QKI: variants seen among roughly 807,000 people sequenced by gnomAD.
QKI encodes KH domain-containing RNA-binding protein QKI.
QKI carries 10 observed loss-of-function variants against 39.0 expected under a neutral mutation model. That is an observed-to-expected ratio of 0.26 (90% CI 0.16 to 0.43). The LOEUF (loss-of-function observed/expected upper bound fraction) is 0.43, where lower values mean the gene tolerates loss of function less well. Ranked by LOEUF, QKI falls within the 20% of genes least tolerant of loss-of-function variation. QKI has a pLI of 1.00. For synonymous variants in QKI, 204 were observed against 155.4 expected (o/e 1.31, Z -2.33); for missense variants, 218 against 428.0 (o/e 0.51, Z 4.33).
intron 3 of QKI, among the ~76,000 whole-genome samples, chr6:163,492,724 GAAT>G (rs915338467): frequency 2.0e-5 from 3 of 152,088 alleles, no homozygotes; most frequent in African/African-American, 7.2e-5. Flanking sequence ...ATTAATGTTT[GAAT>G]AATAATTTGT....
intron 1 of QKI, among the ~76,000 whole-genome samples, chr6:163,419,909 C>T (rs1447779885): frequency 6.6e-6 from 1 of 152,168 alleles, no homozygotes; most frequent in Non-Finnish European, 1.5e-5. Flanking sequence ...ATGCTTTATG[C>T]ACATTATATT....
At chr6:163,430,188 T>G (rs1039614579) in intron 1 of QKI, among the ~76,000 whole-genome samples, 9 of 152,190 alleles carry the variant, frequency 5.9e-5, no homozygotes, top group Non-Finnish European at 1.0e-4. Context: ...TCTTAGCTTT[T>G]TCCTTTATCT....
intron 2 of QKI, among the ~76,000 whole-genome samples, chr6:163,457,852 A>G (rs1442678359): frequency 1.3e-5 from 2 of 152,136 alleles, no homozygotes; most frequent in African/African-American, 4.8e-5. Context: ...AGTGTTATGG[A>G]GAAACATAAA....
intron 1 of QKI, among the ~76,000 whole-genome samples, chr6:163,451,189 A>G: frequency 6.6e-6 from 1 of 151,648 alleles, no homozygotes; most frequent in African/African-American, 2.4e-5. Context: ...TTGTCTTAAC[A>G]CCATTAGCAA....
intron 1 of QKI, among the ~76,000 whole-genome samples, chr6:163,444,280 G>A (rs2128215922): frequency 6.6e-6 from 1 of 152,310 alleles, no homozygotes; most frequent in East Asian, 1.9e-4. Flanking sequence ...TAAATGTGAT[G>A]TGGTCTAATG....
At chr6:163,467,840 T>G (rs1466021095) in intron 2 of QKI, among the ~76,000 whole-genome samples, 2 of 152,182 alleles carry the variant, frequency 1.3e-5, no homozygotes, top group Admixed American at 6.6e-5. Context: ...GGATATGTTT[T>G]CAGTATGCTT....
intron 4 of QKI, among the ~76,000 whole-genome samples, chr6:163,540,534 A>G (rs780946583): frequency 2.4e-4 from 36 of 152,188 alleles, no homozygotes; most frequent in African/African-American, 3.9e-4. Context: ...TTTTTTACCA[A>G]CAAGCGTGCA....
At chr6:163,514,207 G>A (rs1006143933) in intron 3 of QKI, among the ~76,000 whole-genome samples, 1 of 151,814 alleles carries the variant, frequency 6.6e-6, no homozygotes, top group Non-Finnish European at 1.5e-5. Context: ...GAGACACATC[G>A]GGTTTCAAAA....
intron 1 of QKI, among the ~76,000 whole-genome samples, chr6:163,429,757 A>C (rs1788686411): frequency 6.6e-6 from 1 of 152,186 alleles, no homozygotes; most frequent in African/African-American, 2.4e-5. Context: ...TTCATGTATT[A>C]GTTTTTAGTG....
intron 3 of QKI, among the ~76,000 whole-genome samples, chr6:163,498,987 A>G (rs1778579955): frequency 6.6e-6 from 1 of 152,168 alleles, no homozygotes; most frequent in African/African-American, 2.4e-5. Context: ...ACATAGCCTG[A>G]AGGTAGTTTC....
intron 3 of QKI, among the ~76,000 whole-genome samples, chr6:163,510,334 G>A (rs1779372435): frequency 6.6e-6 from 1 of 151,902 alleles, no homozygotes; most frequent in Non-Finnish European, 1.5e-5. Context: ...CGAGGCAGGT[G>A]GATCACTTGA....
chr6:163,495,402 T>C (rs145336435), intron 3 of QKI, among the ~76,000 whole-genome samples: 142 of 152,228 alleles, frequency 9.3e-4, no homozygotes, highest in African/African-American at 3.1e-3. Context: ...AGCATGCGCG[T>C]GTGTGTCTGT....
chr6:163,512,669 T>C (rs1267966635), intron 3 of QKI, among the ~76,000 whole-genome samples: 1 of 152,062 alleles, frequency 6.6e-6, no homozygotes, highest in Non-Finnish European at 1.5e-5. Context: ...AAAAAGAACA[T>C]TGCATCCAAC....
chr6:163,492,829 T>TA (rs1016588301), intron 3 of QKI, among the ~76,000 whole-genome samples: 2 of 152,286 alleles, frequency 1.3e-5, no homozygotes, highest in African/African-American at 4.8e-5. Flanking sequence ...TATCAAGTGT[T>TA]ACAACAGCAC....
intron 1 of QKI, among the ~76,000 whole-genome samples, chr6:163,452,609 G>T (rs951988290): frequency 2.6e-5 from 4 of 152,290 alleles, no homozygotes; most frequent in African/African-American, 9.6e-5. Context: ...ATGGAATTTT[G>T]TGTTATTAAT....
intron 4 of QKI, among the ~76,000 whole-genome samples, chr6:163,558,734 A>G (rs1367981135): frequency 6.6e-6 from 1 of 152,160 alleles, no homozygotes; most frequent in East Asian, 1.9e-4. Flanking sequence ...ACACAAGATC[A>G]TGCCCTGTGA....
At chr6:163,460,873 A>G (rs183719071) in intron 2 of QKI, among the ~76,000 whole-genome samples, 1 of 151,750 alleles carries the variant, frequency 6.6e-6, no homozygotes, top group Non-Finnish European at 1.5e-5. Flanking sequence ...ATATGATCAT[A>G]TTTTGTGAGT....
intron 2 of QKI, among the ~76,000 whole-genome samples, chr6:163,468,407 C>T (rs1452336945): frequency 6.6e-6 from 1 of 152,064 alleles, no homozygotes; most frequent in East Asian, 1.9e-4. Context: ...AGGTGCTTTT[C>T]GAAATCCATT....
rs1447062972 is a variant in QKI at position 163,572,727 on chromosome 6, A to T, written c.*2017A>T. The T allele has an allele frequency of 2.6e-5, 2 of 78,394 alleles. No individual in the cohort carries two copies. Among genetic ancestry groups the T allele is most frequent in the Non-Finnish European group, 2.4e-5 (1 of 41,398 alleles). 4.9% of individuals were successfully genotyped at this position (78,394 alleles called of 1,614,324 possible). A position where few individuals can be genotyped will look rare whatever the true frequency, so the allele number is the denominator to read the frequency against. Reference sequence around the variant, plus strand: ...CCCTCTTCCACACCTTCCCAGCATCACAGTCAGAGGTCAGCAGGAAGCTGA... The same window carrying T: ...CCCTCTTCCACACCTTCCCAGCATCTCAGTCAGAGGTCAGCAGGAAGCTGA... On this transcript the variant is annotated 3_prime_UTR_variant, in exon 8 of 8. Transcript: ENST00000361752.
Sources: gnomAD v4.1 joint callset for allele counts (sites outside exome capture counted in the v4.1 genomes callset) on GRCh38, gnomAD v4.1.1 for gene constraint, MANE v1.5 for transcripts, NCBI Gene and HGNC (gene_info 2026-07-23, HGNC 2026-07-21) for gene names.